The following TRIM44 variants were observed in gnomAD, a reference collection of about 807,000 sequenced individuals.
TRIM44 encodes the protein tripartite motif containing 44.
Under a neutral mutation model 37.4 loss-of-function variants are expected in TRIM44, and 13 were observed. That is an observed-to-expected ratio of 0.35 (90% CI 0.23 to 0.55). The LOEUF (loss-of-function observed/expected upper bound fraction) is 0.55. TRIM44 is among the 20% of genes least tolerant of loss of function. The probability of loss-of-function intolerance (pLI) is 0.89; values close to 1 mark genes in which losing one functional copy is unlikely to be tolerated. For missense variants in TRIM44, 426 were observed against 437.2 expected (o/e 0.97, Z 0.23); for synonymous variants, 175 against 157.2 (o/e 1.11, Z -0.85).
At position 35,774,893 on chromosome 11, in the gene TRIM44, A is replaced by G. The variant is rs541774913; in HGVS notation, c.1008-31465A>G. Reference sequence around the variant, plus strand: ...GAGCTTTGTAGTATAGTTTGAAGTCAGGTAGCGTGATGCCTCCATCTTCGT... The same window carrying G: ...GAGCTTTGTAGTATAGTTTGAAGTCGGGTAGCGTGATGCCTCCATCTTCGT... On this transcript the variant is annotated intron_variant, in intron 4 of 4. Coordinates refer to ENST00000299413, the MANE Select transcript of TRIM44 (RefSeq NM_017583.6). Among the ~76,000 whole-genome samples the G allele has an allele frequency of 1.8e-3, 281 of 152,308 alleles. 2 individuals are homozygous for G. The highest frequency in any genetic ancestry group is 6.5e-3 in the African/African-American group (270 of 41,566).
At chr11:35,711,854 G>C (rs528002036) in intron 2 of TRIM44, among the ~76,000 whole-genome samples, 1 of 152,298 alleles carries the variant, frequency 6.6e-6, no homozygotes, top group South Asian at 2.1e-4. Context: ...AAGGGTACGT[G>C]AGGGCACCTT....
intron 2 of TRIM44, among the ~76,000 whole-genome samples, chr11:35,705,274 GA>G (rs1851863958): frequency 6.6e-6 from 1 of 152,082 alleles, no homozygotes; most frequent in South Asian, 2.1e-4. Flanking sequence ...AGTCCTGAGT[GA>G]TCTACGAAGA....
intron 4 of TRIM44, among the ~76,000 whole-genome samples, chr11:35,801,840 A>C (rs1719308464): frequency 6.6e-6 from 1 of 152,162 alleles, no homozygotes; most frequent in African/African-American, 2.4e-5. Flanking sequence ...AGAATTTAGG[A>C]GCTCCCAGTT....
rs1412440861 is a variant in TRIM44, at chr11:35,707,069, A to C, written c.748-18855A>C. Reference sequence around the variant, plus strand: ...TGATAAGCAACTTCAGCAAATTCTCAGGATACAAAATCAATGTACAAAAAT... The same window carrying C: ...TGATAAGCAACTTCAGCAAATTCTCCGGATACAAAATCAATGTACAAAAAT... On this transcript the variant is annotated intron_variant, in intron 2 of 4. Coordinates refer to ENST00000299413, the MANE Select transcript of TRIM44 (RefSeq NM_017583.6). Among the ~76,000 whole-genome samples, 9 of 152,340 alleles carry C rather than the reference A, an allele frequency of 5.9e-5. No homozygotes were observed. In the East Asian group the frequency reaches 1.7e-3, roughly 29 times the overall value.
intron 4 of TRIM44, among the ~76,000 whole-genome samples, chr11:35,800,836 GT>G (rs1853358301): frequency 6.6e-6 from 1 of 152,194 alleles, no homozygotes; most frequent in Non-Finnish European, 1.5e-5. Context: ...CTGGTTTGGA[GT>G]TTTCCTAAAC....
intron 2 of TRIM44, among the ~76,000 whole-genome samples, chr11:35,685,741 A>G (rs935598052): frequency 6.6e-6 from 1 of 151,768 alleles, no homozygotes; most frequent in Non-Finnish European, 1.5e-5. Context: ...TTGGCTCACT[A>G]CAGCCTCCGC....
At chr11:35,738,942 G>A (rs534214673) in intron 4 of TRIM44, among the ~76,000 whole-genome samples, 107 of 152,242 alleles carry the variant, frequency 7.0e-4, no homozygotes, top group African/African-American at 2.6e-3. Context: ...AGTCTCCATG[G>A]TGGAAGGAAA....
chr11:35,692,202 A>G (rs893547123), intron 2 of TRIM44, among the ~76,000 whole-genome samples: 9 of 152,208 alleles, frequency 5.9e-5, no homozygotes, highest in East Asian at 1.9e-4. Flanking sequence ...TTTTATAAAG[A>G]AATGCAGATT....
At chr11:35,779,224 T>TGGGCATGGGACCCTCTGAGCC (rs1853024789) in intron 4 of TRIM44, among the ~76,000 whole-genome samples, 1 of 152,198 alleles carries the variant, frequency 6.6e-6, no homozygotes, top group South Asian at 2.1e-4. Flanking sequence ...CGAGGCTCTG[T>TGGGCATGGGACCCTCTGAGCC]GGGCATGGGA....
intron 4 of TRIM44, among the ~76,000 whole-genome samples, chr11:35,777,341 A>G (rs556208409): frequency 1.3e-5 from 2 of 152,150 alleles, no homozygotes; most frequent in East Asian, 1.9e-4. Flanking sequence ...TTTTGAGCCT[A>G]TGTGTGTCTC....
At chr11:35,759,232 C>T (rs1036321494) in intron 4 of TRIM44, among the ~76,000 whole-genome samples, 1 of 152,152 alleles carries the variant, frequency 6.6e-6, no homozygotes, top group South Asian at 2.1e-4. Flanking sequence ...CTTCTCTTCT[C>T]GCTTCATTTC....
chr11:35,771,099 G>A (rs1478215710), intron 4 of TRIM44, among the ~76,000 whole-genome samples: 1 of 152,200 alleles, frequency 6.6e-6, no homozygotes, highest in African/African-American at 2.4e-5. Flanking sequence ...ACAAGCAGAG[G>A]TTGGAACAGT....
chr11:35,788,530 C>T (rs760659197), intron 4 of TRIM44, among the ~76,000 whole-genome samples: 3 of 152,098 alleles, frequency 2.0e-5, no homozygotes, highest in Non-Finnish European at 4.4e-5. Flanking sequence ...TTTTATATTC[C>T]TGTGTTGGGC....
rs1590619055 is a variant in TRIM44 at position 35,811,664 on chromosome 11, G to C, written c.*5279G>C. 1 of 152,270 alleles carries C rather than the reference G, an allele frequency of 6.6e-6. No individual in the cohort carries two copies. Among genetic ancestry groups the C allele is most frequent in the East Asian group, 1.9e-4 (1 of 5,184 alleles). 9.4% of individuals were successfully genotyped at this position (152,270 alleles called of 1,614,324 possible). A position where few individuals can be genotyped will look rare whatever the true frequency, so the allele number is the denominator to read the frequency against. On this transcript the variant is annotated 3_prime_UTR_variant, in exon 5 of 5. Coordinates refer to ENST00000299413, the MANE Select transcript of TRIM44 (RefSeq NM_017583.6). ...AGACTCAAGATGGTAGATACTGTGTGAATTAGAAAATACCAAGCCCTGCCT... is the reference window on the plus strand; with the variant it reads ...AGACTCAAGATGGTAGATACTGTGTCAATTAGAAAATACCAAGCCCTGCCT...
At chr11:35,752,194 T>C (rs987135507) in intron 4 of TRIM44, among the ~76,000 whole-genome samples, 1 of 151,984 alleles carries the variant, frequency 6.6e-6, no homozygotes, top group African/African-American at 2.4e-5. Flanking sequence ...CAGCAAATCC[T>C]GTCAGATTTG....
chr11:35,776,713 C>T (rs1203359229), intron 4 of TRIM44, among the ~76,000 whole-genome samples: 1 of 152,180 alleles, frequency 6.6e-6, no homozygotes, highest in Non-Finnish European at 1.5e-5. Context: ...TCGTTGTGCA[C>T]CCAGTAGTCA....
At chr11:35,677,673 A>G (rs185665061) in intron 1 of TRIM44, among the ~76,000 whole-genome samples, 3 of 152,248 alleles carry the variant, frequency 2.0e-5, no homozygotes, top group Admixed American at 1.3e-4. Flanking sequence ...CTTTTGGTCT[A>G]TTTATTCATT....
At chr11:35,745,824 G>C (rs1288788060) in intron 4 of TRIM44, among the ~76,000 whole-genome samples, 1 of 151,972 alleles carries the variant, frequency 6.6e-6, no homozygotes, top group African/African-American at 2.4e-5. Context: ...AGATGTGGGA[G>C]GAAACCAGAG....
At chr11:35,709,832 G>A (rs866161791) in intron 2 of TRIM44, among the ~76,000 whole-genome samples, 43 of 152,168 alleles carry the variant, frequency 2.8e-4, no homozygotes, top group Admixed American at 1.1e-3. Context: ...AAACAAAAAC[G>A]TCAGCTGAAT....
Sources: allele counts gnomAD v4.1 joint callset (sites outside exome capture counted in the v4.1 genomes callset), GRCh38; gene constraint gnomAD v4.1.1; transcripts MANE v1.5; gene names NCBI Gene and HGNC (gene_info 2026-07-23, HGNC 2026-07-21).